NKAIN3: variants seen among roughly 807,000 people sequenced by gnomAD.
The protein encoded by NKAIN3 is sodium/potassium transporting ATPase interacting 3, also known as sodium/potassium-transporting ATPase subunit beta-1-interacting protein 3.
In NKAIN3, 25 loss-of-function variants were observed where a neutral mutation model predicts 30.2. The ratio of observed to expected loss-of-function variants is 0.83; its 90% CI spans 0.60 to 1.16. NKAIN3 has a LOEUF of 1.16. Among genes scored for constraint, NKAIN3 ranks in the 50% most tolerant of loss-of-function variants. The probability of loss-of-function intolerance (pLI) is 0.00; values close to 1 mark genes in which losing one functional copy is unlikely to be tolerated. For synonymous variants in NKAIN3, 91 were observed against 89.6 expected (o/e 1.02, Z -0.09); for missense variants, 225 against 254.1 (o/e 0.89, Z 0.78).
chr8:62,927,562 A>G (rs574837928), intron 5 of NKAIN3, among the ~76,000 whole-genome samples: 1 of 152,312 alleles, frequency 6.6e-6, no homozygotes, highest in Non-Finnish European at 1.5e-5. Context: ...TTTGCAAATT[A>G]TAGGCATGTA....
intron 1 of NKAIN3, among the ~76,000 whole-genome samples, chr8:62,498,582 A>G (rs1253659261): frequency 6.6e-6 from 1 of 152,008 alleles, no homozygotes; most frequent in East Asian, 1.9e-4. Context: ...TGCCAAGTTC[A>G]AAGTCAATGA....
chr8:62,447,127 A>C (rs1284809779), intron 1 of NKAIN3, among the ~76,000 whole-genome samples: 2 of 152,094 alleles, frequency 1.3e-5, no homozygotes, highest in Non-Finnish European at 2.9e-5. Context: ...AGTCTTGACA[A>C]TAAAAATAAT....
At chr8:62,914,835 A>G (rs1338692019) in intron 4 of NKAIN3, among the ~76,000 whole-genome samples, 3 of 148,138 alleles carry the variant, frequency 2.0e-5, no homozygotes, top group Non-Finnish European at 4.4e-5. Flanking sequence ...TGTGCAGAAC[A>G]TGCAGGTTTC....
At chr8:62,926,444 C>T (rs1822445204) in intron 5 of NKAIN3, among the ~76,000 whole-genome samples, 1 of 152,192 alleles carries the variant, frequency 6.6e-6, no homozygotes, top group Admixed American at 6.5e-5. Flanking sequence ...CAGAGAGGAG[C>T]ACATAGCCTG....
chr8:62,633,017 G>T (rs1037340616), intron 3 of NKAIN3, among the ~76,000 whole-genome samples: 2 of 152,068 alleles, frequency 1.3e-5, no homozygotes, highest in African/African-American at 2.4e-5. Flanking sequence ...GTGGATCAAT[G>T]GTTCCTTGTT....
intron 4 of NKAIN3, among the ~76,000 whole-genome samples, chr8:62,805,919 T>C (rs1818264362): frequency 6.6e-6 from 1 of 152,128 alleles, no homozygotes. Context: ...AAAGGGCTAA[T>C]ATCCAGAATC....
At chr8:62,645,580 A>G (rs1472463384) in intron 3 of NKAIN3, among the ~76,000 whole-genome samples, 1 of 152,186 alleles carries the variant, frequency 6.6e-6, no homozygotes, top group Non-Finnish European at 1.5e-5. Flanking sequence ...TTTTAAAATC[A>G]GATACAACAG....
chr8:62,506,425 C>T (rs1343566997), intron 1 of NKAIN3, among the ~76,000 whole-genome samples: 2 of 151,198 alleles, frequency 1.3e-5, no homozygotes, highest in Non-Finnish European at 2.9e-5. Context: ...GCATGTGCAA[C>T]TTAGGACATG....
chr8:62,340,239 A>G (rs1585698815), intron 1 of NKAIN3, among the ~76,000 whole-genome samples: 1 of 151,974 alleles, frequency 6.6e-6, no homozygotes, highest in East Asian at 1.9e-4. Flanking sequence ...AAGGCAGGGG[A>G]AGGCAGCCAG....
At chr8:62,871,720 T>C (rs1820652811) in intron 4 of NKAIN3, among the ~76,000 whole-genome samples, 1 of 152,196 alleles carries the variant, frequency 6.6e-6, no homozygotes, top group Non-Finnish European at 1.5e-5. Flanking sequence ...CAGTTGAAGG[T>C]AGCAGAAGAT....
chr8:62,782,701 CAT>C (rs953923303), intron 4 of NKAIN3, among the ~76,000 whole-genome samples: 2 of 150,650 alleles, frequency 1.3e-5, no homozygotes, highest in Non-Finnish European at 3.0e-5. Flanking sequence ...TGTTCTTACT[CAT>C]ATGTGAGAGC....
At chr8:62,899,644 T>G (rs942821914) in intron 4 of NKAIN3, among the ~76,000 whole-genome samples, 8 of 152,000 alleles carry the variant, frequency 5.3e-5, no homozygotes, top group African/African-American at 1.9e-4. Context: ...AAAAAAGAAG[T>G]TACAAAGAAT....
intron 3 of NKAIN3, among the ~76,000 whole-genome samples, chr8:62,735,417 A>T (rs1407102123): frequency 2.3e-5 from 3 of 130,182 alleles, no homozygotes; most frequent in East Asian, 2.3e-4. Context: ...TCTTTATTCT[A>T]CTTGTTCAAT....
At chr8:62,910,863 G>C (rs1353959895) in intron 4 of NKAIN3, among the ~76,000 whole-genome samples, 1 of 151,918 alleles carries the variant, frequency 6.6e-6, no homozygotes. Flanking sequence ...GCATGACTGA[G>C]TTTGTTCTCA....
chr8:62,876,020 T>C (rs1820784283), intron 4 of NKAIN3, among the ~76,000 whole-genome samples: 1 of 152,056 alleles, frequency 6.6e-6, no homozygotes, highest in South Asian at 2.1e-4. Flanking sequence ...CAAAAGAAAC[T>C]AGCATTAGAG....
At chr8:62,557,604 C>G (rs540510811) in intron 1 of NKAIN3, among the ~76,000 whole-genome samples, 3 of 152,252 alleles carry the variant, frequency 2.0e-5, no homozygotes, top group South Asian at 2.1e-4. Context: ...GCCATTCTAG[C>G]AGGAGTAAGG....
chr8:62,311,321 G>C (rs1281116384), intron 1 of NKAIN3, among the ~76,000 whole-genome samples: 1 of 150,318 alleles, frequency 6.7e-6, no homozygotes, highest in Non-Finnish European at 1.5e-5. Flanking sequence ...AAAGAAAGCA[G>C]CTGTGTGTGC....
At chr8:62,467,847 C>T (rs1365027002) in intron 1 of NKAIN3, among the ~76,000 whole-genome samples, 1 of 152,114 alleles carries the variant, frequency 6.6e-6, no homozygotes, top group Non-Finnish European at 1.5e-5. Context: ...CTCACTGCAG[C>T]CTTGACCTTC....
At chr8:62,633,892 G>T (rs11989133) in intron 3 of NKAIN3, among the ~76,000 whole-genome samples, 1 of 152,040 alleles carries the variant, frequency 6.6e-6, no homozygotes, top group African/African-American at 2.4e-5. Context: ...CTGTCCCTTC[G>T]CATCTAAGAG....
Sources: gnomAD v4.1 joint callset for allele counts (sites outside exome capture counted in the v4.1 genomes callset) on GRCh38, gnomAD v4.1.1 for gene constraint, MANE v1.5 for transcripts, NCBI Gene and HGNC (gene_info 2026-07-23, HGNC 2026-07-21) for gene names.